KLHL35: variants seen among roughly 807,000 people sequenced by gnomAD.
KLHL35 encodes the protein kelch like family member 35.
Under a neutral mutation model 44.0 loss-of-function variants are expected in KLHL35, and 50 were observed. The observed-to-expected ratio is 1.14, with a 90% CI of 0.91 to 1.44. KLHL35 has a LOEUF of 1.44. Ranked by LOEUF, KLHL35 falls within the 40% of genes most tolerant of loss-of-function variation. The pLI is 0.00. For missense variants in KLHL35, 1,049 were observed against 887.8 expected (o/e 1.18, Z -2.31); for synonymous variants, 470 against 410.4 (o/e 1.15, Z -1.76).
At chr11:75,431,186 C>A (rs1948534620) in intron 1 of KLHL35, among the ~76,000 whole-genome samples, 2 of 152,134 alleles carry the variant, frequency 1.3e-5, no homozygotes, top group African/African-American at 4.8e-5. Context: ...AGAGAGGGTA[C>A]AATAACTCCA....
rs954337765 is a variant in KLHL35, at chr11:75,430,523, C to A, written c.107G>T (p.Arg36Leu). The stretch of plus-strand genomic sequence containing the variant: ...CACCACGTCGGTGAGGGTGCCGCTC[C>A]GCCGGTAGGCGTTCAGGGCCTGCAG... ...RVLQALNAYR[R>L]SGTLTDVVLR... is the part of the protein sequence containing the mutation. The change falls in exon 2 of 7, where the codon CGG becomes CTG. Residue 36 changes from arginine (R) to leucine (L), a missense_variant. Physicochemically the swap from Arg to Leu is moderately radical, Grantham distance 102 (BLOSUM62 -2). Coordinates refer to ENST00000539798, the MANE Select transcript of KLHL35 (RefSeq NM_001039548.3). The A allele has an allele frequency of 1.4e-6, 2 of 1,447,528 alleles. No individual in the cohort carries two copies. Among genetic ancestry groups the A allele is most frequent in the Non-Finnish European group, 9.1e-7 (1 of 1,104,804 alleles). 89.7% of individuals were successfully genotyped at this position (1,447,528 alleles called of 1,614,324 possible).
In KLHL35 at chr11:75,430,152, G is replaced by GGCGCA. The variant is rs1351039183; in HGVS notation, c.473_477dup (p.Arg160CysfsTer141). The GGCGCA allele has an allele frequency of 1.6e-6, 2 of 1,246,384 alleles. No homozygotes were observed. The highest frequency in any genetic ancestry group is 2.0e-6 in the Non-Finnish European group (2 of 997,680). The allele number at this position is 1,246,384 out of a possible 1,614,324, so 77.2% of individuals were successfully genotyped here. On this transcript the variant is annotated frameshift_variant, in exon 2 of 7. Transcript: ENST00000539798. LOFTEE classifies it high-confidence loss of function. ...GCCAGCGAGAAGGCGGCGGCCACGC[G>GGCGCA]GCGCAGCGCTAGGCTGTTGGCGGCG...
In KLHL35 at chr11:75,430,461, C is replaced by T. The variant is rs1437137021; in HGVS notation, c.169G>A (p.Ala57Thr). The change falls in exon 2 of 7, where the codon GCG becomes ACG. Residue 57 changes from alanine to threonine, a missense_variant. Ala to Thr is a moderately conservative substitution (Grantham distance 58). Transcript: ENST00000539798. The part of the protein sequence containing the change: ...AGGRDFPCHR[A>T]ALSAGSAYFR... ...TAGGCGCTGCCCGCGCTGAGCGCCG[C>T]GCGGTGGCACGGAAAGTCGCGCCCG... is the stretch of plus-strand genomic sequence containing the variant. 1.1e-5 allele frequency: 16 copies of T among 1,393,232 alleles called. No individual in the cohort carries two copies. Among genetic ancestry groups the T allele is most frequent in the Admixed American group, 3.3e-5 (1 of 30,562 alleles). The allele number at this position is 1,393,232 out of a possible 1,614,324, so 86.3% of individuals were successfully genotyped here.
At chr11:75,428,654 T>C (rs754552252) in intron 2 of KLHL35, 28 bp from the exon 3 acceptor site, 12 of 1,537,240 alleles carry the variant, frequency 7.8e-6, no homozygotes, top group South Asian at 1.2e-5. Flanking sequence ...CCAGTGCCTG[T>C]TGGGCCGCAC....
Position 75,425,423 on chromosome 11 carries a change from G to GC in KLHL35, c.1343dup (p.Ala449ArgfsTer15). 2 of 1,565,512 alleles carry GC rather than the reference G, an allele frequency of 1.3e-6. No homozygotes were observed. The highest frequency in any genetic ancestry group is 2.3e-5 in the East Asian group (1 of 42,684). The stretch of plus-strand genomic sequence containing the variant: ...CCGTGTTGACGCCGCCCTGCCTGGC[G>GC]CCCCCAATCACGAAGAGCTTGCCCG... On this transcript the variant is annotated frameshift_variant, in exon 5 of 7. Coordinates refer to ENST00000539798, the MANE Select transcript of KLHL35 (RefSeq NM_001039548.3). LOFTEE classifies it high-confidence loss of function.
Position 75,429,808 on chromosome 11 carries a change from C to T in KLHL35, c.822G>A (p.Glu274=), listed in dbSNP as rs1393545118. The change falls in exon 2 of 7, where the codon GAG becomes GAA. Residue 274 remains glutamate, a synonymous_variant. Transcript: ENST00000539798. ...GGCCCAGGATGAAGCAGGCGCGAGC[C>T]TCGAGCAGCAGCGGGCGGCACTCGC... ...ACGECRPLLL[E]ARACFILGRE... The T allele has an allele frequency of 1.9e-5, 28 of 1,511,850 alleles. No homozygotes were observed. Among genetic ancestry groups the T allele is most frequent in the Non-Finnish European group, 2.3e-5 (26 of 1,137,114 alleles). The allele number at this position is 1,511,850 out of a possible 1,614,324, so 93.7% of individuals were successfully genotyped here.
chr11:75,422,708 G>A lies in KLHL35; in HGVS notation c.1624C>T (p.Arg542Cys), dbSNP rs768375991. ...KVHILGGRDD[R>C]GESTDKVFTF... ...AAGACCTTATCGGTGCTTTCTCCGC[G>A]ATCATCCCGCCCGCCAAGGATGTGG... Residue 542 changes from arginine (R) to cysteine (C), a missense_variant, in exon 7 of 7, where the codon CGC (arginine) becomes TGC (cysteine). By Grantham distance (180) the Arg-to-Cys change is radical. Transcript: ENST00000539798. 1.6e-5 allele frequency: 26 copies of A among 1,613,874 alleles called. No individual in the cohort carries two copies. In the Admixed American group the frequency reaches 2.3e-4, roughly 14 times the overall value.
Position 75,429,819 on chromosome 11 carries a change from G to C in KLHL35, c.811C>G (p.Leu271Val). The C allele has an allele frequency of 6.6e-7, 1 of 1,511,882 alleles. No individual in the cohort carries two copies. Among genetic ancestry groups the C allele is most frequent in the Non-Finnish European group, 8.8e-7 (1 of 1,137,318 alleles). 93.7% of individuals were successfully genotyped at this position (1,511,882 alleles called of 1,614,324 possible). The change falls in exon 2 of 7, where the codon CTG becomes GTG. Residue 271 changes from leucine (L) to valine (V), a missense_variant. Physicochemically the swap from Leu to Val is conservative, Grantham distance 32. Transcript: ENST00000539798. ...LLQACGECRP[L>V]LLEARACFIL... ...AAGCAGGCGCGAGCCTCGAGCAGCAGCGGGCGGCACTCGCCGCAGGCCTGC... is the reference window on the plus strand; with the variant it reads ...AAGCAGGCGCGAGCCTCGAGCAGCACCGGGCGGCACTCGCCGCAGGCCTGC...
chr11:75,425,692 C>T (rs1948485790), intron 4 of KLHL35, 111 bp from the exon 5 acceptor site: 2 of 1,058,338 alleles, frequency 1.9e-6, no homozygotes, highest in African/African-American at 1.7e-5. Flanking sequence ...TGTCCCCAAC[C>T]CAGTTTCAGG....
Position 75,426,630 on chromosome 11 carries a change from T to G in KLHL35, c.1075A>C (p.Ile359Leu), listed in dbSNP as rs756257859. The part of the protein sequence containing the change: ...RNDVYVSGGH[I>L]NSHDVWMFSS... The stretch of plus-strand genomic sequence containing the variant: ...AACATCCACACATCATGACTGTTGA[T>G]GTGGCCTCCTAGGGAGAGAGAAGCA... Residue 359 changes from isoleucine (I) to leucine (L), a missense_variant, in exon 4 of 7, where the codon ATC becomes CTC. Ile to Leu is a conservative substitution (Grantham distance 5). Coordinates refer to ENST00000539798, the MANE Select transcript of KLHL35 (RefSeq NM_001039548.3). The G allele has an allele frequency of 6.3e-6, 10 of 1,592,166 alleles. No homozygotes were observed. The highest frequency in any genetic ancestry group is 7.7e-6 in the Non-Finnish European group (9 of 1,170,516).
Position 75,433,099 on chromosome 11 carries a change from C to T in KLHL35, c.-58G>A, listed in dbSNP as rs925345875. ...CTGCTGCTCTCACAGGTATCACTCCCGTTTGTGCCTGCCGCCCGCACCCCT... is the reference window on the plus strand; with the variant it reads ...CTGCTGCTCTCACAGGTATCACTCCTGTTTGTGCCTGCCGCCCGCACCCCT... On this transcript the variant is annotated 5_prime_UTR_variant, in exon 1 of 7. Transcript: ENST00000539798. 6.6e-6 allele frequency among the ~76,000 whole-genome samples: 1 copy of T among 152,180 alleles called. No homozygotes were observed. The highest frequency in any genetic ancestry group is 1.5e-5 in the Non-Finnish European group (1 of 68,028).
chr11:75,423,657 G>T, intron 6 of KLHL35, 35 bp downstream of exon 6: 1 of 1,581,678 alleles, frequency 6.3e-7, no homozygotes, highest in Non-Finnish European at 8.7e-7. Context: ...CCTTAGAAGC[G>T]GGTTCCGCTC....
chr11:75,429,842 TGCA>T lies in KLHL35; in HGVS notation c.785_787del (p.Leu262del). 6.6e-7 allele frequency: 1 copy of T among 1,512,898 alleles called. No homozygotes were observed. Among genetic ancestry groups the T allele is most frequent in the Non-Finnish European group, 8.8e-7 (1 of 1,138,864 alleles). 93.7% of individuals were successfully genotyped at this position (1,512,898 alleles called of 1,614,324 possible). A position where few individuals can be genotyped will look rare whatever the true frequency, so the allele number is the denominator to read the frequency against. ...CAGCGGGCGGCACTCGCCGCAGGCC[TGCA>T]GCAGCTCGTCCGCCTCCACCTTCTC... On this transcript the variant is annotated inframe_deletion, in exon 2 of 7. Coordinates refer to ENST00000539798, the MANE Select transcript of KLHL35 (RefSeq NM_001039548.3).
chr11:75,425,423 GC>G lies in KLHL35; in HGVS notation c.1343del (p.Gly448AlafsTer51). 1.9e-6 allele frequency: 3 copies of G among 1,565,504 alleles called. No homozygotes were observed. The highest frequency in any genetic ancestry group is 1.4e-5 in the African/African-American group (1 of 73,682). On this transcript the variant is annotated frameshift_variant, in exon 5 of 7. Coordinates refer to ENST00000539798, the MANE Select transcript of KLHL35 (RefSeq NM_001039548.3). LOFTEE classifies it high-confidence loss of function. ...SCAGKLFVIG[G>X]ARQGGVNTDK... ...CCGTGTTGACGCCGCCCTGCCTGGC[GC>G]CCCCAATCACGAAGAGCTTGCCCGC...
chr11:75,431,101 C>T (rs1297421659), intron 1 of KLHL35, among the ~76,000 whole-genome samples: 3 of 152,120 alleles, frequency 2.0e-5, no homozygotes, highest in African/African-American at 4.8e-5. Context: ...AGGAGGGTCC[C>T]GTGACAGGAG....
At chr11:75,424,600 A>C (rs1278812922) in intron 5 of KLHL35, 1 of 152,254 alleles carries the variant, frequency 6.6e-6, no homozygotes, top group Non-Finnish European at 1.5e-5. Flanking sequence ...GGATGGTGTT[A>C]AATGGGGCCT....
In KLHL35 at chr11:75,426,600, A is replaced by G. The variant is rs1280674491; in HGVS notation, c.1105T>C (p.Ser369Pro). 6.2e-7 allele frequency: 1 copy of G among 1,605,960 alleles called. No homozygotes were observed. Among genetic ancestry groups the G allele is most frequent in the Non-Finnish European group, 8.5e-7 (1 of 1,177,216 alleles). The part of the protein sequence containing the change: ...INSHDVWMFS[S>P]HLHTWIKVAS... ...ACCTTGATCCAGGTGTGCAGATGGG[A>G]GCTAAACATCCACACATCATGACTG... Residue 369 changes from serine to proline, a missense_variant, in exon 4 of 7, where the codon TCC becomes CCC. Transcript: ENST00000539798.
rs962546709 is a variant in KLHL35 at position 75,426,768 on chromosome 11, T to C, written c.1067-130A>G. On this transcript the variant is annotated intron_variant, in intron 3 of 6. Transcript: ENST00000539798. Reference sequence around the variant, plus strand: ...AAGGCAGCAGGAGGACTTCTTGAGCTGGTGTAAGACTCTGGACCTGTGACC... The same window carrying C: ...AAGGCAGCAGGAGGACTTCTTGAGCCGGTGTAAGACTCTGGACCTGTGACC... 3 of 611,116 alleles carry C rather than the reference T, an allele frequency of 4.9e-6. No individual in the cohort carries two copies. The Admixed American group carries it at 8.0e-5, about 16-fold the overall frequency. 37.9% of individuals were successfully genotyped at this position (611,116 alleles called of 1,614,324 possible).
At position 75,428,606 on chromosome 11, in the gene KLHL35, A is replaced by T; in HGVS notation, c.902T>A (p.Val301Glu). ...RPRRFMDLAE[V>E]IVVIGGCDRK... ...GTCGCAACCGCCGATGACCACGATC[A>T]CTTCAGCTAGGTCCATGAATCTGGC... Residue 301 changes from valine to glutamate, a missense_variant, in exon 3 of 7, where the codon GTG becomes GAG. Val to Glu is a moderately radical substitution (Grantham distance 121). Coordinates refer to ENST00000539798, the MANE Select transcript of KLHL35 (RefSeq NM_001039548.3). The T allele has an allele frequency of 6.3e-7, 1 of 1,598,900 alleles. No individual in the cohort carries two copies. The highest frequency in any genetic ancestry group is 8.5e-7 in the Non-Finnish European group (1 of 1,172,734).
Sources: gnomAD v4.1 joint callset for allele counts (sites outside exome capture counted in the v4.1 genomes callset) on GRCh38, gnomAD v4.1.1 for gene constraint, MANE v1.5 for transcripts, NCBI Gene and HGNC (gene_info 2026-07-23, HGNC 2026-07-21) for gene names.